Variants in CHSY3 observed in about 807,000 individuals in gnomAD.
The protein encoded by CHSY3 is N-acetylgalactosaminyl-proteoglycan 3-beta-glucuronosyltransferase 3.
A neutral mutation model predicts 67.2 loss-of-function variants in CHSY3; 35 were observed. That is an observed-to-expected ratio of 0.52 (90% CI 0.40 to 0.69). CHSY3 has a LOEUF of 0.69. Among genes scored for constraint, CHSY3 ranks in the 30% least tolerant of loss-of-function variants. The pLI, the probability that CHSY3 is intolerant of heterozygous loss-of-function variation, is 0.00. For synonymous variants in CHSY3, 474 were observed against 434.7 expected, an observed-to-expected ratio of 1.09 and a Z score of -1.12; for missense variants, 1,069 against 1,138.5, an observed-to-expected ratio of 0.94 and a Z score of 0.88.
intron 2 of CHSY3, 35 bp downstream of exon 2, chr5:129,908,395 G>A: frequency 1.9e-6 from 3 of 1,599,802 alleles, no homozygotes; most frequent in Non-Finnish European, 2.6e-6. Flanking sequence ...TGTTCACATA[G>A]TACATATACA....
At chr5:129,976,012 G>A (rs1441438219) in intron 2 of CHSY3, among the ~76,000 whole-genome samples, 1 of 152,040 alleles carries the variant, frequency 6.6e-6, no homozygotes, top group Non-Finnish European at 1.5e-5. Flanking sequence ...ACCACATTCT[G>A]TGTTCTTCTG....
intron 2 of CHSY3, among the ~76,000 whole-genome samples, chr5:130,139,125 C>A (rs1768772729): frequency 6.6e-6 from 1 of 152,102 alleles, no homozygotes; most frequent in Non-Finnish European, 1.5e-5. Flanking sequence ...ATTTGTTGCC[C>A]TAAAACATTA....
chr5:130,074,392 T>G (rs1353492235), intron 2 of CHSY3, among the ~76,000 whole-genome samples: 1 of 152,150 alleles, frequency 6.6e-6, no homozygotes. Flanking sequence ...TTTAATAGTG[T>G]ACCACACTAG....
chr5:130,001,633 T>A (rs946312505), intron 2 of CHSY3: 16 of 837,604 alleles, frequency 1.9e-5, no homozygotes, highest in South Asian at 5.5e-5. Flanking sequence ...TGCTTCTAGT[T>A]AAGGAGTAGG....
chr5:129,920,971 G>A (rs1010699012), intron 2 of CHSY3, among the ~76,000 whole-genome samples: 2 of 151,980 alleles, frequency 1.3e-5, no homozygotes, highest in Admixed American at 1.3e-4. Flanking sequence ...GGCATGCACC[G>A]CCATGCCCAT....
At chr5:129,919,093 G>A (rs1261373076) in intron 2 of CHSY3, among the ~76,000 whole-genome samples, 5 of 99,004 alleles carry the variant, frequency 5.1e-5, no homozygotes, top group Non-Finnish European at 8.8e-5. Context: ...CGGCCTGGGC[G>A]ACAGAGCGAG....
intron 2 of CHSY3, among the ~76,000 whole-genome samples, chr5:130,086,579 C>G (rs564008011): frequency 6.6e-6 from 1 of 152,042 alleles, no homozygotes; most frequent in Admixed American, 6.6e-5. Flanking sequence ...TCAGAGAATA[C>G]TACAAACACC....
At chr5:130,143,336 C>A (rs1269433347) in intron 2 of CHSY3, among the ~76,000 whole-genome samples, 1 of 151,994 alleles carries the variant, frequency 6.6e-6, no homozygotes, top group Non-Finnish European at 1.5e-5. Context: ...AAGAAGCAGA[C>A]CATGAGACAA....
At chr5:129,947,170 G>A (rs986179163) in intron 2 of CHSY3, among the ~76,000 whole-genome samples, 34 of 152,140 alleles carry the variant, frequency 2.2e-4, no homozygotes, top group African/African-American at 8.2e-4. Flanking sequence ...GCAGGAAGGA[G>A]AAGTGCCCAG....
At chr5:130,029,170 C>T (rs1167252801) in intron 2 of CHSY3, among the ~76,000 whole-genome samples, 5 of 152,000 alleles carry the variant, frequency 3.3e-5, no homozygotes, top group Non-Finnish European at 7.4e-5. Flanking sequence ...TGCTATTTGC[C>T]GAGGTCTGGA....
chr5:129,949,770 A>G (rs1303883785), intron 2 of CHSY3, among the ~76,000 whole-genome samples: 1 of 152,200 alleles, frequency 6.6e-6, no homozygotes, highest in Non-Finnish European at 1.5e-5. Context: ...CACCATGATC[A>G]AGTAGAATTA....
chr5:130,094,820 T>A (rs1766993164), intron 2 of CHSY3, among the ~76,000 whole-genome samples: 1 of 151,920 alleles, frequency 6.6e-6, no homozygotes, highest in Non-Finnish European at 1.5e-5. Context: ...ATTTGGAAAA[T>A]GATGTTTAGA....
chr5:130,078,299 T>A (rs1766336985), intron 2 of CHSY3, among the ~76,000 whole-genome samples: 1 of 152,054 alleles, frequency 6.6e-6, no homozygotes, highest in African/African-American at 2.4e-5. Flanking sequence ...TTTTCATAAA[T>A]TTTATGTGAT....
intron 2 of CHSY3, among the ~76,000 whole-genome samples, chr5:129,928,578 C>T (rs1384869591): frequency 6.6e-6 from 1 of 151,886 alleles, no homozygotes; most frequent in Non-Finnish European, 1.5e-5. Context: ...AGTATAGATA[C>T]CTAACTAAAT....
At chr5:129,965,335 C>T (rs1290353984) in intron 2 of CHSY3, among the ~76,000 whole-genome samples, 1 of 151,976 alleles carries the variant, frequency 6.6e-6, no homozygotes, top group African/African-American at 2.4e-5. Flanking sequence ...GCTTTGAAAT[C>T]TGTGACACCA....
intron 2 of CHSY3, among the ~76,000 whole-genome samples, chr5:129,997,814 A>G (rs1033965861): frequency 3.9e-5 from 6 of 152,144 alleles, no homozygotes; most frequent in African/African-American, 1.2e-4. Flanking sequence ...AGCTTCATCC[A>G]TGTCCCCGCA....
At chr5:129,907,224 G>A (rs935291088) in intron 1 of CHSY3, among the ~76,000 whole-genome samples, 11 of 152,170 alleles carry the variant, frequency 7.2e-5, no homozygotes, top group Non-Finnish European at 1.5e-4. Context: ...ACATTAAAAT[G>A]ACATATTATT....
At chr5:130,080,695 G>C (rs1369695470) in intron 2 of CHSY3, among the ~76,000 whole-genome samples, 1 of 152,036 alleles carries the variant, frequency 6.6e-6, no homozygotes, top group Admixed American at 6.6e-5. Flanking sequence ...CAGAGAAAAA[G>C]CCTGAGTGGA....
At chr5:129,918,483 T>C (rs1442288637) in intron 2 of CHSY3, among the ~76,000 whole-genome samples, 1 of 152,148 alleles carries the variant, frequency 6.6e-6, no homozygotes, top group Non-Finnish European at 1.5e-5. Flanking sequence ...TCTCAACAAA[T>C]AGTTTTGAGC....
Sources: gnomAD v4.1 joint callset for allele counts (sites outside exome capture counted in the v4.1 genomes callset) on GRCh38, gnomAD v4.1.1 for gene constraint, MANE v1.5 for transcripts, NCBI Gene and HGNC (gene_info 2026-07-23, HGNC 2026-07-21) for gene names.